Variants in SPTSSB observed in about 807,000 individuals in gnomAD.
SPTSSB encodes androgen down regulated in mouse prostate.
SPTSSB carries 6 observed loss-of-function variants against 7.7 expected under a neutral mutation model. The observed-to-expected ratio is 0.78, with a 90% CI of 0.43 to 1.54. The LOEUF (loss-of-function observed/expected upper bound fraction) is 1.54, where lower values mean the gene tolerates loss of function less well. SPTSSB is among the 40% of genes most tolerant of loss of function. The pLI, the probability that SPTSSB is intolerant of heterozygous loss-of-function variation, is 0.01. For synonymous variants in SPTSSB, 28 were observed against 29.7 expected (o/e 0.94, Z 0.19); for missense variants, 91 against 93.0 (o/e 0.98, Z 0.09).
At chr3:161,369,383 T>TC (rs1423605248) in intron 1 of SPTSSB, among the ~76,000 whole-genome samples, 1 of 98,358 alleles carries the variant, frequency 1.0e-5, no homozygotes. Flanking sequence ...TCTCTTTCTT[T>TC]CCTTTTTTTT....
chr3:161,347,751 T>A (rs1714322922), intron 2 of SPTSSB, among the ~76,000 whole-genome samples: 1 of 151,930 alleles, frequency 6.6e-6, no homozygotes. Context: ...TGGGCACCTG[T>A]AATCCCAGCC....
chr3:161,346,526 TTAA>T (rs980881545), intron 2 of SPTSSB, among the ~76,000 whole-genome samples, 171 bp from the exon 3 acceptor site: 5 of 152,064 alleles, frequency 3.3e-5, no homozygotes, highest in East Asian at 1.9e-4. Context: ...ACTATAAAAA[TTAA>T]TAATATTGTC....
rs1044515792 is a variant in SPTSSB at position 161,344,917 on chromosome 3, A to G, written c.*1176T>C. ...CATGCAAGTTAATTTGGCATGCCAA[A>G]CATCTTTCTCTCTAGCTCACCTTGG... On this transcript the variant is annotated 3_prime_UTR_variant, in exon 3 of 3. Transcript: ENST00000620149. 1.8e-4 allele frequency: 27 copies of G among 152,616 alleles called. No individual in the cohort carries two copies. Among genetic ancestry groups the G allele is most frequent in the African/African-American group, 5.8e-4 (24 of 41,452 alleles). 9.5% of individuals were successfully genotyped at this position (152,616 alleles called of 1,614,324 possible).
chr3:161,351,026 A>G (rs1473289858), intron 2 of SPTSSB, among the ~76,000 whole-genome samples: 1 of 152,092 alleles, frequency 6.6e-6, no homozygotes, highest in Non-Finnish European at 1.5e-5. Flanking sequence ...TACTCCCCAA[A>G]ACCCCCAAGG....
intron 2 of SPTSSB, chr3:161,359,596 CG>C: frequency 2.2e-6 from 1 of 461,872 alleles, no homozygotes; most frequent in Non-Finnish European, 2.8e-6. Flanking sequence ...TTGGAATATC[CG>C]TAAGTTGAGA....
rs1714183452 is a variant in SPTSSB, at chr3:161,345,618, G to A, written c.*475C>T. On this transcript the variant is annotated 3_prime_UTR_variant, in exon 3 of 3. Transcript: ENST00000620149. ...TCAGTTTACTAGAAAATAAGACTTAGGGGGTCCATATAATTTATTCACATC... is the reference window on the plus strand; with the variant it reads ...TCAGTTTACTAGAAAATAAGACTTAAGGGGTCCATATAATTTATTCACATC... 6.6e-6 allele frequency: 1 copy of A among 152,000 alleles called. No individual in the cohort carries two copies. Among genetic ancestry groups the A allele is most frequent in the Non-Finnish European group, 1.5e-5 (1 of 68,464 alleles). The allele number at this position is 152,000 out of a possible 1,614,324, so 9.4% of individuals were successfully genotyped here.
At chr3:161,361,119 G>C (rs189767099) in intron 1 of SPTSSB, among the ~76,000 whole-genome samples, 6 of 152,134 alleles carry the variant, frequency 3.9e-5, no homozygotes, top group South Asian at 2.1e-4. Context: ...AGAAGATTTG[G>C]GGGGAGGAAT....
At chr3:161,352,760 TC>T (rs554897832) in intron 2 of SPTSSB, among the ~76,000 whole-genome samples, 141 of 152,342 alleles carry the variant, frequency 9.3e-4, no homozygotes, top group African/African-American at 3.2e-3. Flanking sequence ...TTGTGAAAAT[TC>T]AGTACAATCT....
rs1714209397 is a variant in SPTSSB at position 161,346,070 on chromosome 3, C to G, written c.*23G>C. 2 of 1,187,546 alleles carry G rather than the reference C, an allele frequency of 1.7e-6. No homozygotes were observed. The highest frequency in any genetic ancestry group is 1.3e-6 in the Non-Finnish European group (1 of 792,822). The allele number at this position is 1,187,546 out of a possible 1,614,324, so 73.6% of individuals were successfully genotyped here. On this transcript the variant is annotated 3_prime_UTR_variant, in exon 3 of 3. Coordinates refer to ENST00000620149, the MANE Select transcript of SPTSSB (RefSeq NM_001040100.2). Reference sequence around the variant, plus strand: ...TAAGCAACATATAAATATGCAATGCCATTTCACTGAATGTGAACAGGATCA... The same window carrying G: ...TAAGCAACATATAAATATGCAATGCGATTTCACTGAATGTGAACAGGATCA...
In SPTSSB at chr3:161,348,682, C is replaced by T. The variant is rs369874393; in HGVS notation, c.-32-2327G>A. Among the ~76,000 whole-genome samples the T allele has an allele frequency of 1.2e-3, 187 of 152,258 alleles. 4 individuals are homozygous for T. The South Asian group carries it at 0.038, about 31-fold the overall frequency. On this transcript the variant is annotated intron_variant, in intron 2 of 2. Coordinates refer to ENST00000620149, the MANE Select transcript of SPTSSB (RefSeq NM_001040100.2). ...ACTTCTGCACTGCTAACCATTTAAGCAGTTAAGATTAAAAAAATTTTTTTT... is the reference window on the plus strand; with the variant it reads ...ACTTCTGCACTGCTAACCATTTAAGTAGTTAAGATTAAAAAAATTTTTTTT...
chr3:161,367,801 G>A (rs1349348943), intron 1 of SPTSSB, among the ~76,000 whole-genome samples: 2 of 152,136 alleles, frequency 1.3e-5, no homozygotes, highest in Admixed American at 1.3e-4. Context: ...AATCTGAGTA[G>A]AAGGCAAGTA....
intron 1 of SPTSSB, among the ~76,000 whole-genome samples, chr3:161,369,336 CT>C (rs1169193489): frequency 1.9e-5 from 1 of 53,640 alleles, no homozygotes; most frequent in Non-Finnish European, 3.6e-5. Flanking sequence ...TTCTTTCTTT[CT>C]TTCTTTCTTT....
chr3:161,363,948 G>GTA (rs1384115869), intron 1 of SPTSSB, among the ~76,000 whole-genome samples: 1 of 138,638 alleles, frequency 7.2e-6, no homozygotes, highest in Non-Finnish European at 1.5e-5. Flanking sequence ...GACACAGGAT[G>GTA]TATAGATGGT....
chr3:161,349,397 T>C (rs1400520597), intron 2 of SPTSSB, among the ~76,000 whole-genome samples: 1 of 152,212 alleles, frequency 6.6e-6, no homozygotes, highest in Non-Finnish European at 1.5e-5. Flanking sequence ...TTTAAAGTCC[T>C]AAATTTTCAC....
chr3:161,366,903 A>C (rs951116547), intron 1 of SPTSSB, among the ~76,000 whole-genome samples: 54 of 152,350 alleles, frequency 3.5e-4, no homozygotes, highest in Non-Finnish European at 1.5e-4. Context: ...GGCCGGGTGC[A>C]GTGGCTCACG....
intron 2 of SPTSSB, among the ~76,000 whole-genome samples, chr3:161,353,494 T>A (rs1714635194): frequency 6.6e-6 from 1 of 152,078 alleles, no homozygotes; most frequent in African/African-American, 2.4e-5. Flanking sequence ...TGAAAGGTAT[T>A]GGAACCTGTA....
intron 1 of SPTSSB, among the ~76,000 whole-genome samples, chr3:161,364,278 C>T (rs1255395892): frequency 1.3e-5 from 2 of 152,128 alleles, no homozygotes; most frequent in African/African-American, 4.8e-5. Flanking sequence ...GTGTGCTAGG[C>T]ATCACATGCT....
intron 1 of SPTSSB, among the ~76,000 whole-genome samples, chr3:161,367,355 CCT>C (rs1202691797): frequency 6.6e-6 from 1 of 152,100 alleles, no homozygotes; most frequent in Non-Finnish European, 1.5e-5. Context: ...AAAGAATAAG[CCT>C]GTGCTGGTGA....
chr3:161,346,925 C>A (rs1188463908), intron 2 of SPTSSB, among the ~76,000 whole-genome samples: 2 of 152,104 alleles, frequency 1.3e-5, no homozygotes, highest in African/African-American at 4.8e-5. Context: ...TGGGAATGGC[C>A]ACAGTGAGGC....
Sources: allele counts gnomAD v4.1 joint callset (sites outside exome capture counted in the v4.1 genomes callset), GRCh38; gene constraint gnomAD v4.1.1; transcripts MANE v1.5; gene names NCBI Gene and HGNC (gene_info 2026-07-23, HGNC 2026-07-21).